The following PDZRN4 variants were observed in gnomAD, a reference collection of about 807,000 sequenced individuals.
PDZRN4 encodes PDZ domain-containing RING finger protein 4.
Under a neutral mutation model 99.0 loss-of-function variants are expected in PDZRN4, and 70 were observed. The ratio of observed to expected loss-of-function variants is 0.71; its 90% CI spans 0.58 to 0.86. The LOEUF (loss-of-function observed/expected upper bound fraction) is 0.86, where lower values mean the gene tolerates loss of function less well. Ranked by LOEUF, PDZRN4 falls within the 40% of genes least tolerant of loss-of-function variation. The pLI is 0.00. For synonymous variants in PDZRN4, 551 were observed against 501.6 expected (o/e 1.10, Z -1.32); for missense variants, 1,474 against 1,331.2 (o/e 1.11, Z -1.67).
At chr12:41,490,418 C>T (rs1011588359) in intron 3 of PDZRN4, among the ~76,000 whole-genome samples, 9 of 151,968 alleles carry the variant, frequency 5.9e-5, no homozygotes, top group East Asian at 3.9e-4. Context: ...GCTTTCTCAG[C>T]GTGTCTAAAT....
At chr12:41,379,600 A>T (rs1385321459) in intron 3 of PDZRN4, among the ~76,000 whole-genome samples, 1 of 150,920 alleles carries the variant, frequency 6.6e-6, no homozygotes, top group Non-Finnish European at 1.5e-5. Context: ...TTGATTTTTT[A>T]TTTAAATATC....
chr12:41,384,958 C>T (rs1279552894), intron 3 of PDZRN4, among the ~76,000 whole-genome samples: 1 of 152,168 alleles, frequency 6.6e-6, no homozygotes, highest in Non-Finnish European at 1.5e-5. Context: ...AGATAAGATA[C>T]ACCTGATTGC....
intron 3 of PDZRN4, among the ~76,000 whole-genome samples, chr12:41,440,259 T>C (rs529977935): frequency 1.4e-4 from 21 of 152,310 alleles, no homozygotes; most frequent in South Asian, 6.2e-4. Flanking sequence ...TTTCTTTTGT[T>C]ACTATTCCTT....
intron 3 of PDZRN4, among the ~76,000 whole-genome samples, chr12:41,266,887 C>T (rs775358698): frequency 1.6e-4 from 25 of 152,070 alleles, no homozygotes; most frequent in African/African-American, 2.7e-4. Flanking sequence ...TAAGATAATA[C>T]CATAAAGCTA....
In PDZRN4 at chr12:41,292,511, T is replaced by C. The variant is rs143621960; in HGVS notation, c.843+98323T>C. Among the ~76,000 whole-genome samples the C allele has an allele frequency of 5.3e-5, 8 of 152,298 alleles. No individual in the cohort carries two copies. In the East Asian group the frequency reaches 1.4e-3, roughly 26 times the overall value. On this transcript the variant is annotated intron_variant, in intron 3 of 9. Transcript: ENST00000402685. ...CATTTGAGGTTTTTTCTTGATTTGATCCTTACATTTCAGGACCCCCCTTTG... is the reference window on the plus strand; with the variant it reads ...CATTTGAGGTTTTTTCTTGATTTGACCCTTACATTTCAGGACCCCCCTTTG...
chr12:41,270,834 G>A (rs1951310343), intron 3 of PDZRN4, among the ~76,000 whole-genome samples: 2 of 152,030 alleles, frequency 1.3e-5, no homozygotes, highest in African/African-American at 4.8e-5. Flanking sequence ...TCATGAGAGT[G>A]TTAAAAACTC....
chr12:41,241,584 A>G (rs1323437411), intron 3 of PDZRN4, among the ~76,000 whole-genome samples: 1 of 152,226 alleles, frequency 6.6e-6, no homozygotes, highest in Non-Finnish European at 1.5e-5. Context: ...GATAATAACA[A>G]ATACATTGGA....
chr12:41,209,879 G>A lies in PDZRN4; in HGVS notation c.843+15691G>A, dbSNP rs1442979860. 5.4e-5 allele frequency among the ~76,000 whole-genome samples: 8 copies of A among 148,954 alleles called. No individual in the cohort carries two copies. The South Asian group carries it at 1.8e-3, about 33-fold the overall frequency. On this transcript the variant is annotated intron_variant, in intron 3 of 9. Coordinates refer to ENST00000402685, the MANE Select transcript of PDZRN4 (RefSeq NM_001164595.2). ...ATATACCCAGTAACGGGATGGCTGG[G>A]TCAAATGGTATTTCTTGTTCTAGAT...
intron 3 of PDZRN4, among the ~76,000 whole-genome samples, chr12:41,347,064 A>G (rs772623932): frequency 8.5e-5 from 13 of 152,142 alleles, no homozygotes; most frequent in Non-Finnish European, 1.6e-4. Flanking sequence ...AGACATTTCC[A>G]GTTGTTTCCA....
intron 3 of PDZRN4, among the ~76,000 whole-genome samples, chr12:41,468,853 A>T (rs1952956757): frequency 6.6e-6 from 1 of 152,058 alleles, no homozygotes; most frequent in Non-Finnish European, 1.5e-5. Flanking sequence ...AATTTTTGTT[A>T]CTCAAATCAG....
intron 3 of PDZRN4, among the ~76,000 whole-genome samples, chr12:41,447,622 T>C (rs1341551284): frequency 1.3e-5 from 2 of 152,086 alleles, no homozygotes; most frequent in Non-Finnish European, 2.9e-5. Context: ...ATAGTTAGGG[T>C]ATCATTTCAG....
intron 3 of PDZRN4, among the ~76,000 whole-genome samples, chr12:41,455,010 A>T (rs1219559456): frequency 2.0e-5 from 3 of 152,244 alleles, no homozygotes; most frequent in Admixed American, 6.5e-5. Context: ...CAGTTGCCAC[A>T]TGTGGCTAGA....
intron 3 of PDZRN4, among the ~76,000 whole-genome samples, chr12:41,229,920 C>T (rs943208576): frequency 6.6e-6 from 1 of 152,034 alleles, no homozygotes; most frequent in African/African-American, 2.4e-5. Context: ...TTTTGTTACA[C>T]ATAAAGTTGG....
intron 3 of PDZRN4, among the ~76,000 whole-genome samples, chr12:41,315,340 C>T (rs1951631392): frequency 3.3e-5 from 5 of 152,070 alleles, no homozygotes; most frequent in Admixed American, 3.3e-4. Flanking sequence ...AGTCAACTGA[C>T]ATTTGATTTT....
intron 3 of PDZRN4, among the ~76,000 whole-genome samples, chr12:41,214,233 C>A (rs1591970729): frequency 1.8e-5 from 2 of 111,800 alleles, no homozygotes; most frequent in African/African-American, 3.4e-5. Context: ...ACCTGAGCAA[C>A]ATAGTGAGAC....
intron 3 of PDZRN4, among the ~76,000 whole-genome samples, chr12:41,490,300 A>G (rs1178780814): frequency 6.6e-6 from 1 of 152,152 alleles, no homozygotes; most frequent in East Asian, 1.9e-4. Flanking sequence ...TTGGTAGCAA[A>G]TGGTGAAACT....
intron 3 of PDZRN4, among the ~76,000 whole-genome samples, chr12:41,282,474 A>G (rs1951393877): frequency 6.6e-6 from 1 of 152,210 alleles, no homozygotes; most frequent in South Asian, 2.1e-4. Flanking sequence ...GAGACAGAAA[A>G]TTAACAAGGA....
At chr12:41,201,524 C>T (rs1416014021) in intron 3 of PDZRN4, among the ~76,000 whole-genome samples, 1 of 152,044 alleles carries the variant, frequency 6.6e-6, no homozygotes. Flanking sequence ...TTCAGCATCT[C>T]TTTTGCTCTC....
At chr12:41,557,388 T>C (rs751214779) in intron 7 of PDZRN4, among the ~76,000 whole-genome samples, 2 of 152,086 alleles carry the variant, frequency 1.3e-5, no homozygotes, top group Non-Finnish European at 2.9e-5. Context: ...ATACAGACCC[T>C]TGGAGAGTGT....
Sources: allele counts gnomAD v4.1 joint callset (sites outside exome capture counted in the v4.1 genomes callset), GRCh38; gene constraint gnomAD v4.1.1; transcripts MANE v1.5; gene names NCBI Gene and HGNC (gene_info 2026-07-23, HGNC 2026-07-21).